Variants in OPRM1 observed in about 807,000 individuals in gnomAD.
OPRM1 encodes the protein opioid receptor mu 1, also known as mu-type opioid receptor.
In OPRM1, 27 loss-of-function variants were observed where a neutral mutation model predicts 31.8. That is an observed-to-expected ratio of 0.85 (90% confidence interval 0.63 to 1.17). The LOEUF (loss-of-function observed/expected upper bound fraction) is 1.17. Ranked by LOEUF, OPRM1 falls within the 50% of genes most tolerant of loss-of-function variation. The probability of loss-of-function intolerance (pLI) is 0.00; values close to 1 mark genes in which losing one functional copy is unlikely to be tolerated. For synonymous variants in OPRM1, 196 were observed against 189.9 expected (o/e 1.03, Z -0.26); for missense variants, 536 against 511.1 (o/e 1.05, Z -0.47).
chr6:154,077,730 A>G (rs1788180713), intron 1 of OPRM1, among the ~76,000 whole-genome samples: 1 of 151,856 alleles, frequency 6.6e-6, no homozygotes, highest in African/African-American at 2.4e-5. Context: ...GATTCCATCT[A>G]AAAAAATAAT....
At chr6:154,044,520 T>C (rs1374969857) in intron 1 of OPRM1, among the ~76,000 whole-genome samples, 1 of 152,170 alleles carries the variant, frequency 6.6e-6, no homozygotes, top group African/African-American at 2.4e-5. Flanking sequence ...TAACTGATCT[T>C]ATTTTTTTTT....
chr6:154,223,155 T>C lies in OPRM1; in HGVS notation c.1165-23538T>C, dbSNP rs544446506. 7.5e-6 allele frequency: 12 copies of C among 1,602,336 alleles called. No homozygotes were observed. In the Admixed American group the frequency reaches 1.3e-4, roughly 18 times the overall value. On this transcript the variant is annotated intron_variant, in intron 3 of 3. Transcript: ENST00000337049. ...TCCTGGCTCAGAGTTTTGTGGAAGA[T>C]GAGAGACAACTTACTGCTTTTTCTT...
intron 3 of OPRM1, among the ~76,000 whole-genome samples, chr6:154,239,404 A>G (rs1780397068): frequency 6.6e-6 from 1 of 152,248 alleles, no homozygotes; most frequent in African/African-American, 2.4e-5. Flanking sequence ...CCATTTAAAA[A>G]TTCATTTCCA....
chr6:154,090,283 A>C (rs527740890), intron 2 of OPRM1, 105 bp downstream of exon 2: 2 of 709,582 alleles, frequency 2.8e-6, no homozygotes, highest in South Asian at 3.9e-5. Flanking sequence ...TCTTAGTCAC[A>C]TTGTAATTTT....
chr6:154,205,522 GA>G (rs1325148069), intron 3 of OPRM1, among the ~76,000 whole-genome samples: 1 of 152,178 alleles, frequency 6.6e-6, no homozygotes, highest in Admixed American at 6.5e-5. Context: ...TTGAACCCAG[GA>G]GGCGGAAGTT....
At chr6:154,059,438 T>C (rs1401780124) in intron 1 of OPRM1, among the ~76,000 whole-genome samples, 2 of 152,196 alleles carry the variant, frequency 1.3e-5, no homozygotes, top group African/African-American at 4.8e-5. Flanking sequence ...TAATAATTCC[T>C]ATCAGGAAAC....
At chr6:154,050,621 TGGG>T (rs1322318312) in intron 1 of OPRM1, among the ~76,000 whole-genome samples, 1 of 139,408 alleles carries the variant, frequency 7.2e-6, no homozygotes, top group Non-Finnish European at 1.5e-5. Context: ...TGGGGGCTGA[TGGG>T]GGGCTGGGAG....
chr6:154,093,214 A>T, intron 3 of OPRM1: 2 of 1,489,292 alleles, frequency 1.3e-6, no homozygotes, highest in Non-Finnish European at 1.8e-6. Flanking sequence ...GAAGTAAAAT[A>T]TTTCCATTGG....
upstream of OPRM1, among the ~76,000 whole-genome samples, chr6:154,035,715 G>A (rs537048369): frequency 1.3e-5 from 2 of 152,230 alleles, no homozygotes; most frequent in South Asian, 4.1e-4. Context: ...AAGAAGAGAA[G>A]TGACTTTTAG....
In OPRM1 at chr6:154,108,808, G is replaced by A. The variant is rs984634670; in HGVS notation, c.1165-9875G>A. 1.1e-5 allele frequency: 11 copies of A among 985,152 alleles called. No homozygotes were observed. Among genetic ancestry groups the A allele is most frequent in the African/African-American group, 1.7e-5 (1 of 57,206 alleles). 61.0% of individuals were successfully genotyped at this position (985,152 alleles called of 1,614,324 possible). A position where few individuals can be genotyped will look rare whatever the true frequency, so the allele number is the denominator to read the frequency against. On this transcript the variant is annotated intron_variant, in intron 3 of 3. Coordinates refer to ENST00000330432, the MANE Select transcript of OPRM1 (RefSeq NM_000914.5). ...TCCCATCTTAACAGTTGCAATCCAT[G>A]GAGGAATGCTTGATAACCTCGGTGA...
chr6:154,149,281 T>C (rs2041794472), intron 3 of OPRM1, among the ~76,000 whole-genome samples: 1 of 151,832 alleles, frequency 6.6e-6, no homozygotes, highest in Non-Finnish European at 1.5e-5. Flanking sequence ...CAAAGGAGAG[T>C]GGGAAAGTCT....
At chr6:154,114,634 C>A (rs1275414407) in intron 3 of OPRM1, among the ~76,000 whole-genome samples, 1 of 152,152 alleles carries the variant, frequency 6.6e-6, no homozygotes, top group Non-Finnish European at 1.5e-5. Context: ...AAAAATGGCA[C>A]ACCAGGTGCT....
chr6:154,132,930 G>C (rs190029286), downstream of OPRM1, among the ~76,000 whole-genome samples: 153 of 152,180 alleles, frequency 1.0e-3, 1 homozygote, highest in African/African-American at 3.5e-3. Flanking sequence ...GACCATCCTG[G>C]CTAACACGGT....
At chr6:154,199,625 A>C in intron 3 of OPRM1, 1 of 1,518,188 alleles carries the variant, frequency 6.6e-7, no homozygotes, top group South Asian at 1.3e-5. Context: ...TATACAAACA[A>C]ATATTCACTC....
exon 1 of OPRM1, chr6:154,010,905 C>T: frequency 2.3e-6 from 3 of 1,320,050 alleles, no homozygotes; most frequent in South Asian, 1.2e-5. Flanking sequence ...AGGACCAGCC[C>T]TTACATCCCA....
At chr6:154,135,517 A>AGATATAGATATAGATATT (rs1294440110), downstream of OPRM1, among the ~76,000 whole-genome samples, 1 of 152,034 alleles carries the variant, frequency 6.6e-6, no homozygotes, top group Non-Finnish European at 1.5e-5. Flanking sequence ...ATATAGATAT[A>AGATATAGATATAGATATT]GATATAGATA....
At chr6:154,211,142 T>C (rs790251) in intron 3 of OPRM1, among the ~76,000 whole-genome samples, 91,881 of 151,916 alleles carry the variant, frequency 0.6, 28,429 homozygotes, top group South Asian at 0.76. Flanking sequence ...CCTGGCTGGG[T>C]GCGGTGGCTC....
chr6:154,019,827 G>GAGA (rs1778253517), intron 1 of OPRM1, among the ~76,000 whole-genome samples: 1 of 145,366 alleles, frequency 6.9e-6, no homozygotes, highest in East Asian at 2.0e-4. Context: ...TCTCCTTTCC[G>GAGA]GGCTCAAGCA....
chr6:154,229,204 A>G (rs544224982), intron 3 of OPRM1, among the ~76,000 whole-genome samples: 12 of 152,354 alleles, frequency 7.9e-5, no homozygotes, highest in African/African-American at 2.9e-4. Flanking sequence ...TGTTGTTCAT[A>G]CATATTATTT....
Sources: gnomAD v4.1 joint callset for allele counts (sites outside exome capture counted in the v4.1 genomes callset) on GRCh38, gnomAD v4.1.1 for gene constraint, MANE v1.5 for transcripts, NCBI Gene and HGNC (gene_info 2026-07-23, HGNC 2026-07-21) for gene names.